The following CRADD variants were observed in gnomAD, a reference collection of about 807,000 sequenced individuals.
CRADD encodes the protein CARD and death domain containing adaptor protein, also known as death domain-containing protein CRADD.
A neutral mutation model predicts 15.5 loss-of-function variants in CRADD; 9 were observed. That is an observed-to-expected ratio of 0.58 (90% CI 0.35 to 1.01). CRADD has a LOEUF of 1.01. Ranked by LOEUF, CRADD falls within the 50% of genes least tolerant of loss-of-function variation. CRADD has a pLI of 0.02. For missense variants in CRADD, 227 were observed against 250.3 expected, an observed-to-expected ratio of 0.91 and a Z score of 0.63; for synonymous variants, 118 against 107.6, an observed-to-expected ratio of 1.10 and a Z score of -0.60.
chr12:93,815,058 A>AG (rs1318332798), intron 2 of CRADD: 1 of 152,216 alleles, frequency 6.6e-6, no homozygotes, highest in Non-Finnish European at 1.5e-5. Context: ...GTGACATTGG[A>AG]TGGGCAGGTG....
rs10671111 is a variant in CRADD at position 93,805,575 on chromosome 12, TATAAATAAATAA to T, written c.299-44381_299-44370del. Among the ~76,000 whole-genome samples, 60 of 150,188 alleles carry T rather than the reference TATAAATAAATAA, an allele frequency of 4.0e-4. 1 individual carries two copies. The South Asian group carries it at 0.013, about 31-fold the overall frequency. Reference sequence around the variant, plus strand: ...GTGAAAAAGAACAGTGTTTTGTGTGTATAAATAAATAAATAAATAAATAAAAATAAAAATAAA... The same window carrying T: ...GTGAAAAAGAACAGTGTTTTGTGTGTATAAATAAATAAAAATAAAAATAAA... On this transcript the variant is annotated intron_variant, in intron 2 of 2. Transcript: ENST00000332896.
At chr12:93,806,473 C>CA (rs1353951929) in intron 2 of CRADD, among the ~76,000 whole-genome samples, 2 of 79,206 alleles carry the variant, frequency 2.5e-5, no homozygotes, top group Non-Finnish European at 5.3e-5. Flanking sequence ...AAAAAAAAAA[C>CA]AAAAAAAAGA....
At chr12:93,885,616 A>G (rs139356533) in intron 2 of CRADD, among the ~76,000 whole-genome samples, 2 of 152,220 alleles carry the variant, frequency 1.3e-5, no homozygotes, top group Non-Finnish European at 2.9e-5. Flanking sequence ...TCCCAGCTCC[A>G]TTCTGCATAA....
intron 2 of CRADD, among the ~76,000 whole-genome samples, chr12:93,763,063 G>T (rs1956986250): frequency 6.6e-6 from 1 of 152,192 alleles, no homozygotes; most frequent in South Asian, 2.1e-4. Flanking sequence ...GCTATACTAT[G>T]CTAGAACTTC....
At chr12:93,787,323 T>G (rs1456833481) in intron 2 of CRADD, among the ~76,000 whole-genome samples, 5 of 150,116 alleles carry the variant, frequency 3.3e-5, no homozygotes, top group South Asian at 2.1e-4. Context: ...TTTTTTTTTT[T>G]TTTTTTTAAT....
chr12:93,729,463 A>G (rs1044781943), intron 2 of CRADD, among the ~76,000 whole-genome samples: 1 of 152,130 alleles, frequency 6.6e-6, no homozygotes, highest in Non-Finnish European at 1.5e-5. Flanking sequence ...TAAGCATGAT[A>G]CCAATAGCAG....
chr12:93,735,049 A>G (rs535540248), intron 2 of CRADD, among the ~76,000 whole-genome samples: 1 of 152,288 alleles, frequency 6.6e-6, no homozygotes, highest in African/African-American at 2.4e-5. Flanking sequence ...GTTAGAGGGT[A>G]AGCTCCATGG....
At chr12:93,823,389 A>G (rs1051249365) in intron 2 of CRADD, among the ~76,000 whole-genome samples, 1 of 152,144 alleles carries the variant, frequency 6.6e-6, no homozygotes, top group African/African-American at 2.4e-5. Context: ...TGACCCTCTT[A>G]ATGAATACAC....
At chr12:93,863,643 T>TGTGTGTGA (rs1241056081) in intron 2 of CRADD, among the ~76,000 whole-genome samples, 9 of 149,444 alleles carry the variant, frequency 6.0e-5, no homozygotes, top group African/African-American at 2.2e-4. Context: ...TGTGTGTGTG[T>TGTGTGTGA]GAAGCTGTCA....
At chr12:93,857,741 A>G (rs956141955) in intron 2 of CRADD, among the ~76,000 whole-genome samples, 3 of 152,328 alleles carry the variant, frequency 2.0e-5, no homozygotes, top group African/African-American at 7.2e-5. Flanking sequence ...CGGAGATCAC[A>G]TGGCAAGAGG....
At chr12:93,768,729 A>T (rs536464235) in intron 2 of CRADD, among the ~76,000 whole-genome samples, 1 of 152,356 alleles carries the variant, frequency 6.6e-6, no homozygotes, top group Non-Finnish European at 1.5e-5. Context: ...ACAGATCCTA[A>T]GTGTACAACT....
At chr12:93,770,409 A>G (rs1013187686) in intron 2 of CRADD, among the ~76,000 whole-genome samples, 8 of 151,874 alleles carry the variant, frequency 5.3e-5, no homozygotes, top group Non-Finnish European at 1.0e-4. Context: ...CTCCTATGTT[A>G]TCTTTTATCA....
rs1958205115 is a variant in CRADD at position 93,850,446 on chromosome 12, A to G, written c.*175A>G. Reference sequence around the variant, plus strand: ...CATTACTTGAAAGGCCAGATTACTCAGCAGATCTCCCATGTTGGCTCAACA... The same window carrying G: ...CATTACTTGAAAGGCCAGATTACTCGGCAGATCTCCCATGTTGGCTCAACA... On this transcript the variant is annotated 3_prime_UTR_variant, in exon 3 of 3. Coordinates refer to ENST00000332896, the MANE Select transcript of CRADD (RefSeq NM_003805.5). The surrounding 1 kb of genome is among the most constrained non-coding windows in gnomAD (Gnocchi z 4.0). The G allele has an allele frequency of 7.4e-7, 1 of 1,352,278 alleles. No homozygotes were observed. Among genetic ancestry groups the G allele is most frequent in the Non-Finnish European group, 9.4e-7 (1 of 1,059,904 alleles). The allele number at this position is 1,352,278 out of a possible 1,614,324, so 83.8% of individuals were successfully genotyped here. A position where few individuals can be genotyped will look rare whatever the true frequency, so the allele number is the denominator to read the frequency against.
rs73361602 is a variant in CRADD, at chr12:93,758,007, G to T, written c.298+78935G>T. ...TTGGAAGAAGAGGGCACAGGACCCT[G>T]TGTCAGATATTTTGGTATATTCCTC... is the stretch of plus-strand genomic sequence containing the variant. On this transcript the variant is annotated intron_variant, in intron 2 of 2. Transcript: ENST00000332896. Among the ~76,000 whole-genome samples the T allele has an allele frequency of 2.8e-3, 423 of 152,336 alleles. 4 individuals are homozygous for T. The highest frequency in any genetic ancestry group is 8.8e-3 in the African/African-American group (365 of 41,576).
At chr12:93,718,490 T>G (rs1307951905) in intron 2 of CRADD, among the ~76,000 whole-genome samples, 1 of 152,194 alleles carries the variant, frequency 6.6e-6, no homozygotes, top group African/African-American at 2.4e-5. Flanking sequence ...GGTAATTGAC[T>G]TTTGTATATT....
chr12:93,773,824 T>TTTTC (rs1468319125), intron 2 of CRADD, among the ~76,000 whole-genome samples: 3 of 144,424 alleles, frequency 2.1e-5, no homozygotes, highest in Non-Finnish European at 4.5e-5. Flanking sequence ...TTTTTTTTTT[T>TTTTC]TTTTTTTTTT....
intron 2 of CRADD, chr12:93,733,516 C>G (rs1201571844): frequency 1.3e-5 from 2 of 152,262 alleles, no homozygotes; most frequent in Non-Finnish European, 2.9e-5. Flanking sequence ...GCCTCTGATG[C>G]TGTGCTTGCC....
intron 2 of CRADD, among the ~76,000 whole-genome samples, chr12:93,809,331 G>C (rs1270839312): frequency 2.0e-5 from 3 of 152,180 alleles, no homozygotes; most frequent in African/African-American, 7.2e-5. Flanking sequence ...GCATATAATT[G>C]TGCTCAGAGA....
At chr12:93,731,745 G>T (rs556218623) in intron 2 of CRADD, among the ~76,000 whole-genome samples, 2 of 152,332 alleles carry the variant, frequency 1.3e-5, no homozygotes, top group South Asian at 2.1e-4. Context: ...CCTACCTGAG[G>T]ATTCTTCTGG....
Sources: gnomAD v4.1 joint callset for allele counts (sites outside exome capture counted in the v4.1 genomes callset) on GRCh38, gnomAD v4.1.1 for gene constraint, Gnocchi (gnomAD v3.1) non-coding constraint, MANE v1.5 for transcripts, NCBI Gene and HGNC (gene_info 2026-07-23, HGNC 2026-07-21) for gene names.